The following ADAMTS14 variants were observed in gnomAD, a reference collection of about 807,000 sequenced individuals.
ADAMTS14 encodes ADAM metallopeptidase with thrombospondin type 1 motif 14.
Under a neutral mutation model 128.6 loss-of-function variants are expected in ADAMTS14, and 100 were observed. The ratio of observed to expected loss-of-function variants is 0.78; its 90% confidence interval spans 0.66 to 0.92. The LOEUF (loss-of-function observed/expected upper bound fraction) is 0.92, where lower values mean the gene tolerates loss of function less well. ADAMTS14 is among the 40% of genes least tolerant of loss of function. The pLI, the probability that ADAMTS14 is intolerant of heterozygous loss-of-function variation, is 0.00. For missense variants in ADAMTS14, 1,562 were observed against 1,658.6 expected (o/e 0.94, Z 1.01); for synonymous variants, 665 against 653.8 (o/e 1.02, Z -0.26).
chr10:70,678,641 A>T (rs1839714634), intron 2 of ADAMTS14, among the ~76,000 whole-genome samples: 1 of 151,554 alleles, frequency 6.6e-6, no homozygotes, highest in Non-Finnish European at 1.5e-5. Context: ...GCAGGATGGA[A>T]GAAGGGGTGT....
chr10:70,699,771 G>C (rs370263775), intron 2 of ADAMTS14, among the ~76,000 whole-genome samples: 4 of 152,208 alleles, frequency 2.6e-5, no homozygotes, highest in African/African-American at 4.8e-5. Context: ...GCCCCAGAAT[G>C]GGGGAGGGCC....
intron 3 of ADAMTS14, among the ~76,000 whole-genome samples, chr10:70,706,307 C>T (rs112591538): frequency 0.021 from 3,161 of 152,322 alleles, 128 homozygotes; most frequent in African/African-American, 0.071. Context: ...GAAGCTGCTG[C>T]GTGACCTAGG....
At chr10:70,744,322 C>T (rs10999504) in intron 14 of ADAMTS14, 133 bp downstream of exon 14, 337,156 of 1,249,660 alleles carry the variant, frequency 0.27, 48,248 homozygotes, top group Non-Finnish European at 0.29. Context: ...ATCTCCAGGC[C>T]TTCCTGGGCT....
intron 2 of ADAMTS14, among the ~76,000 whole-genome samples, chr10:70,693,991 AG>A (rs1261763541): frequency 6.6e-6 from 1 of 152,188 alleles, no homozygotes; most frequent in Admixed American, 6.5e-5. Context: ...ATCCTCCAAG[AG>A]CTCCTTCTTC....
chr10:70,744,596 T>G (rs911661823), intron 14 of ADAMTS14, among the ~76,000 whole-genome samples: 1 of 152,208 alleles, frequency 6.6e-6, no homozygotes, highest in East Asian at 1.9e-4. Flanking sequence ...CACTTTCTGC[T>G]TTGAATTCCT....
chr10:70,697,696 A>G (rs1840370284), intron 2 of ADAMTS14, among the ~76,000 whole-genome samples: 1 of 152,178 alleles, frequency 6.6e-6, no homozygotes, highest in African/African-American at 2.4e-5. Flanking sequence ...AGCGGGACAC[A>G]AGGTGATTTC....
intron 2 of ADAMTS14, among the ~76,000 whole-genome samples, chr10:70,692,048 G>A (rs1464908808): frequency 2.0e-5 from 3 of 151,894 alleles, no homozygotes; most frequent in South Asian, 4.2e-4. Flanking sequence ...CTGGATGCAC[G>A]TCTGAATCAC....
chr10:70,692,982 G>C (rs563320429), intron 2 of ADAMTS14, among the ~76,000 whole-genome samples: 1 of 152,180 alleles, frequency 6.6e-6, no homozygotes, highest in Non-Finnish European at 1.5e-5. Flanking sequence ...TCTGCAGGCT[G>C]TACCAGCATG....
chr10:70,760,966 C>A lies in ADAMTS14; in HGVS notation c.*113C>A, dbSNP rs1213360069. 11 of 1,371,978 alleles carry A rather than the reference C, an allele frequency of 8.0e-6. No homozygotes were observed. The highest frequency in any genetic ancestry group is 2.9e-5 in the African/African-American group (2 of 68,616). 85.0% of individuals were successfully genotyped at this position (1,371,978 alleles called of 1,614,324 possible). On this transcript the variant is annotated 3_prime_UTR_variant, in exon 22 of 22. Coordinates refer to ENST00000373207, the MANE Select transcript of ADAMTS14 (RefSeq NM_080722.4). ...CGCAAGCACAGACTTCATTTTAAAT[C>A]ATTCGCCTTCTTCTCGTTTGGGGCT...
In ADAMTS14 at chr10:70,738,896, G is replaced by T. The variant is rs1841909736; in HGVS notation, c.1654G>T (p.Asp552Tyr). The T allele has an allele frequency of 1.9e-6, 3 of 1,614,154 alleles. No homozygotes were observed. In the Admixed American group the frequency reaches 5.0e-5, roughly 27 times the overall value. The change falls in exon 11 of 22, where the codon GAT becomes TAT. Residue 552 changes from aspartate (D) to tyrosine (Y), a missense_variant. Transcript: ENST00000373207. ...WKSPEQTYGQ[D>Y]GGWSSWTKFG... ...GTCGCCGGAGCAGACATATGGCCAG[G>T]ATGGAGGCTGGAGCTCCTGGACCAA...
At chr10:70,685,237 G>A (rs75440177) in intron 2 of ADAMTS14, among the ~76,000 whole-genome samples, 2,311 of 152,254 alleles carry the variant, frequency 0.015, 54 homozygotes, top group African/African-American at 0.053. Flanking sequence ...ACATTCCCAG[G>A]CACTGCAGTG....
intron 4 of ADAMTS14, among the ~76,000 whole-genome samples, chr10:70,727,330 C>A (rs1479659482): frequency 6.6e-6 from 1 of 152,208 alleles, no homozygotes; most frequent in African/African-American, 2.4e-5. Context: ...TTACTCTTCT[C>A]CGTGTGGTGG....
Position 70,738,936 on chromosome 10 carries a change from C to T in ADAMTS14, c.1694C>T (p.Ser565Leu), listed in dbSNP as rs1203416117. 3.1e-6 allele frequency: 5 copies of T among 1,613,788 alleles called. No homozygotes were observed. Among genetic ancestry groups the T allele is most frequent in the East Asian group, 2.2e-5 (1 of 44,880 alleles). The change falls in exon 11 of 22, where the codon TCG (serine) becomes TTG (leucine). Residue 565 changes from serine (S) to leucine (L), a missense_variant. Ser to Leu is a moderately radical substitution (Grantham distance 145, BLOSUM62 -2). Transcript: ENST00000373207. The stretch of plus-strand genomic sequence containing the variant: ...TCCTGGACCAAGTTTGGGTCATGTT[C>T]GCGGTCATGTGGGGGCGGGGTGCGA... The part of the protein sequence containing the change: ...WSSWTKFGSC[S>L]RSCGGGVRSR...
chr10:70,751,918 C>T (rs997695282), intron 17 of ADAMTS14, among the ~76,000 whole-genome samples, 177 bp from the exon 18 acceptor site: 5 of 152,178 alleles, frequency 3.3e-5, no homozygotes, highest in African/African-American at 9.7e-5. Flanking sequence ...TTCTTACCAG[C>T]GAGATGGAGC....
intron 15 of ADAMTS14, among the ~76,000 whole-genome samples, chr10:70,749,243 G>A (rs1842274373): frequency 6.6e-6 from 1 of 152,154 alleles, no homozygotes; most frequent in African/African-American, 2.4e-5. Context: ...TCTTCTCGTT[G>A]TCCTGAGAGC....
intron 3 of ADAMTS14, among the ~76,000 whole-genome samples, chr10:70,706,808 C>G (rs186248210): frequency 7.2e-5 from 11 of 152,232 alleles, no homozygotes; most frequent in Non-Finnish European, 1.5e-4. Flanking sequence ...CCTGTGTGTT[C>G]CCTGTTACCT....
rs1276604797 is a variant in ADAMTS14 at position 70,732,284 on chromosome 10, C to T, written c.1133C>T (p.Pro378Leu). Residue 378 changes from proline to leucine, a missense_variant, in exon 7 of 22, where the codon CCC becomes CTC. Physicochemically the swap from Pro to Leu is moderately conservative, Grantham distance 98. Transcript: ENST00000373207. ...GYAPVTGMCH[P>L]LRSCALNHED... ...GCACCCGTCACTGGCATGTGTCACCCCCTGAGGAGCTGTGCCCTCAACCAT... is the reference window on the plus strand; with the variant it reads ...GCACCCGTCACTGGCATGTGTCACCTCCTGAGGAGCTGTGCCCTCAACCAT... 4 of 1,614,102 alleles carry T rather than the reference C, an allele frequency of 2.5e-6. No homozygotes were observed. The highest frequency in any genetic ancestry group is 1.7e-5 in the Admixed American group (1 of 60,004).
chr10:70,758,204 G>T lies in ADAMTS14; in HGVS notation c.3097G>T (p.Asp1033Tyr), dbSNP rs372183319. ...TCACCAGAACTCCACGGTGAGGGCC[G>T]ATGTCTGGGAACTTGGGACGCCAGA... ...GNHQNSTVRADVWELGTPEGQ... is the reference protein window; with the variant it reads ...GNHQNSTVRAYVWELGTPEGQ... Residue 1033 changes from aspartate to tyrosine, a missense_variant, in exon 21 of 22, where the codon GAT becomes TAT. Physicochemically the swap from Asp to Tyr is radical, Grantham distance 160. Transcript: ENST00000373207. 6.2e-7 allele frequency: 1 copy of T among 1,614,176 alleles called. No individual in the cohort carries two copies. Among genetic ancestry groups the T allele is most frequent in the Non-Finnish European group, 8.5e-7 (1 of 1,180,026 alleles).
chr10:70,734,990 G>A (rs752073617), intron 8 of ADAMTS14, among the ~76,000 whole-genome samples, 179 bp from the exon 9 acceptor site: 1 of 152,232 alleles, frequency 6.6e-6, no homozygotes, highest in African/African-American at 2.4e-5. Context: ...GTGGGAGTGA[G>A]GTCCTGAGTG....
Sources: allele counts gnomAD v4.1 joint callset (sites outside exome capture counted in the v4.1 genomes callset), GRCh38; gene constraint gnomAD v4.1.1; transcripts MANE v1.5; gene names NCBI Gene and HGNC (gene_info 2026-07-23, HGNC 2026-07-21).